FRAS1: variants seen among roughly 807,000 people sequenced by gnomAD.
The protein encoded by FRAS1 is Fraser extracellular matrix complex subunit 1, also known as extracellular matrix organizing protein FRAS1.
In FRAS1, 290 loss-of-function variants were observed where a neutral mutation model predicts 435.2. The observed-to-expected ratio is 0.67, with a 90% CI of 0.61 to 0.73. FRAS1 has a LOEUF of 0.73. FRAS1 is among the 30% of genes least tolerant of loss of function. FRAS1 has a pLI of 0.00. For missense variants in FRAS1, 4,860 were observed against 5,001.5 expected (o/e 0.97, Z 0.85); for synonymous variants, 1,800 against 1,851.0 (o/e 0.97, Z 0.71).
chr4:78,462,916 G>C (rs1457461952), intron 47 of FRAS1, among the ~76,000 whole-genome samples: 3 of 152,186 alleles, frequency 2.0e-5, no homozygotes, highest in African/African-American at 7.2e-5. Flanking sequence ...AGATAAAGCA[G>C]TGATACTGAT....
At chr4:78,252,361 C>CTT (rs34015316) in intron 4 of FRAS1, 31 bp from the exon 5 acceptor site, 20,303 of 1,334,176 alleles carry the variant, frequency 0.015, no homozygotes, top group South Asian at 0.045. Flanking sequence ...TGGCACTAAC[C>CTT]TTTTTTTTTT....
chr4:78,476,407 T>C (rs1373714768), intron 54 of FRAS1, among the ~76,000 whole-genome samples: 3 of 141,770 alleles, frequency 2.1e-5, no homozygotes, highest in Admixed American at 7.1e-5. Context: ...ACTTAAATAG[T>C]CAACAAATAC....
chr4:78,134,785 C>T (rs1412687061), intron 2 of FRAS1, among the ~76,000 whole-genome samples: 1 of 152,048 alleles, frequency 6.6e-6, no homozygotes, highest in Non-Finnish European at 1.5e-5. Flanking sequence ...ATTTTCAAAA[C>T]AGCCTGATGC....
intron 9 of FRAS1, 74 bp from the exon 10 acceptor site, chr4:78,278,581 A>G (rs1308676412): frequency 1.9e-5 from 16 of 841,576 alleles, no homozygotes; most frequent in South Asian, 8.6e-5. Flanking sequence ...AGGGAACCCA[A>G]CTGCTTCTCA....
chr4:78,307,369 CCTT>C (rs1728799423), intron 14 of FRAS1, among the ~76,000 whole-genome samples: 1 of 152,234 alleles, frequency 6.6e-6, no homozygotes, highest in Non-Finnish European at 1.5e-5. Context: ...AGGCAGGCCT[CCTT>C]GAACTGTGGT....
chr4:78,339,665 C>A (rs1730326880), intron 20 of FRAS1, among the ~76,000 whole-genome samples: 1 of 152,160 alleles, frequency 6.6e-6, no homozygotes, highest in South Asian at 2.1e-4. Flanking sequence ...ACTAGTGAGT[C>A]CTCTAACCTG....
Position 78,540,708 on chromosome 4 carries a change from G to A in FRAS1, c.11623G>A (p.Asp3875Asn), listed in dbSNP as rs1217833308. 1.9e-6 allele frequency: 3 copies of A among 1,613,710 alleles called. No homozygotes were observed. The highest frequency in any genetic ancestry group is 2.7e-5 in the African/African-American group (2 of 74,912). The change falls in exon 74 of 74, where the codon GAC becomes AAC. Residue 3875 changes from aspartate to asparagine, a missense_variant. Coordinates refer to ENST00000512123, the MANE Select transcript of FRAS1 (RefSeq NM_025074.7). Reference protein sequence around the residue: ...DDSLIYDNEGDQVKNGTNMKS... With the variant: ...DDSLIYDNEGNQVKNGTNMKS... ...TTCCCTCATCTATGACAATGAAGGA[G>A]ACCAAGTCAAGAATGGCACCAATAT...
chr4:78,126,304 CT>C (rs1341893190), intron 2 of FRAS1, among the ~76,000 whole-genome samples: 1 of 152,172 alleles, frequency 6.6e-6, no homozygotes, highest in Non-Finnish European at 1.5e-5. Context: ...GGTACAGTCA[CT>C]CATGGCTTCC....
At chr4:78,334,866 C>T (rs1390280978) in intron 19 of FRAS1, among the ~76,000 whole-genome samples, 2 of 151,972 alleles carry the variant, frequency 1.3e-5, no homozygotes, top group Admixed American at 1.3e-4. Context: ...TCTAGTTATC[C>T]TCCTACCTTA....
intron 41 of FRAS1, among the ~76,000 whole-genome samples, chr4:78,442,950 G>A (rs1578327477): frequency 2.0e-5 from 3 of 152,296 alleles, no homozygotes. Flanking sequence ...AAAGCATTTA[G>A]GAGGGCAAAA....
intron 2 of FRAS1, among the ~76,000 whole-genome samples, chr4:78,130,223 A>T (rs1719617591): frequency 6.6e-6 from 1 of 152,120 alleles, no homozygotes; most frequent in African/African-American, 2.4e-5. Context: ...GCTCCTTATT[A>T]ACGGTGATTT....
chr4:78,358,616 A>G (rs1009074433), intron 20 of FRAS1, among the ~76,000 whole-genome samples: 3 of 152,292 alleles, frequency 2.0e-5, no homozygotes, highest in Admixed American at 1.3e-4. Flanking sequence ...ATTTTGCCCA[A>G]TGTATATTCA....
intron 30 of FRAS1, among the ~76,000 whole-genome samples, chr4:78,403,455 T>A (rs1732980207): frequency 6.6e-6 from 1 of 151,962 alleles, no homozygotes; most frequent in South Asian, 2.1e-4. Flanking sequence ...CATTCAGGAG[T>A]GAAATTGGTG....
chr4:78,508,912 G>A lies in FRAS1; in HGVS notation c.9686G>A (p.Ser3229Asn). 1 of 1,613,950 alleles carries A rather than the reference G, an allele frequency of 6.2e-7. No individual in the cohort carries two copies. The highest frequency in any genetic ancestry group is 8.5e-7 in the Non-Finnish European group (1 of 1,179,890). Residue 3229 changes from serine to asparagine, a missense_variant, in exon 63 of 74, where the codon AGC (serine) becomes AAC (asparagine). Coordinates refer to ENST00000512123, the MANE Select transcript of FRAS1 (RefSeq NM_025074.7). ...ATCAACCAGACATCTGTGCAGTTCA[G>A]CTGGGAAGTGGCTGCCCCCACTGAT... The part of the protein sequence containing the change: ...AGINQTSVQF[S>N]WEVAAPTDGN...
chr4:78,376,983 G>C (rs1731791152), intron 26 of FRAS1, among the ~76,000 whole-genome samples: 1 of 152,106 alleles, frequency 6.6e-6, no homozygotes, highest in South Asian at 2.1e-4. Flanking sequence ...GACAGAGTGA[G>C]ACTCTGTCTC....
intron 14 of FRAS1, among the ~76,000 whole-genome samples, chr4:78,302,113 T>C (rs2110208886): frequency 6.6e-6 from 1 of 151,724 alleles, no homozygotes; most frequent in East Asian, 1.9e-4. Flanking sequence ...TGTTTGGTTT[T>C]TTGTTCTTGA....
intron 14 of FRAS1, among the ~76,000 whole-genome samples, chr4:78,303,908 G>A (rs1459105837): frequency 1.3e-5 from 2 of 150,848 alleles, no homozygotes; most frequent in Non-Finnish European, 3.0e-5. Flanking sequence ...TAGGAGTGGT[G>A]AGAGAGGGCA....
chr4:78,121,595 C>A (rs1465590188), intron 2 of FRAS1, among the ~76,000 whole-genome samples: 2 of 152,172 alleles, frequency 1.3e-5, no homozygotes. Flanking sequence ...TGCCTGGGAG[C>A]CAGCCTTGCC....
At chr4:78,297,386 G>A (rs903874074) in intron 14 of FRAS1, among the ~76,000 whole-genome samples, 1 of 152,176 alleles carries the variant, frequency 6.6e-6, no homozygotes. Flanking sequence ...GGAAAATAAG[G>A]TGCTTACACG....
Sources: allele counts gnomAD v4.1 joint callset (sites outside exome capture counted in the v4.1 genomes callset), GRCh38; gene constraint gnomAD v4.1.1; transcripts MANE v1.5; gene names NCBI Gene and HGNC (gene_info 2026-07-23, HGNC 2026-07-21).